The following EDIL3 variants were observed in gnomAD, a reference collection of about 807,000 sequenced individuals.
The protein encoded by EDIL3 is EGF-like repeat and discoidin I-like domain-containing protein 3.
Under a neutral mutation model 67.4 loss-of-function variants are expected in EDIL3, and 37 were observed. That is an observed-to-expected ratio of 0.55 (90% CI 0.42 to 0.72). The LOEUF is 0.72. EDIL3 is among the 30% of genes least tolerant of loss of function. EDIL3 has a pLI of 0.00. For missense variants in EDIL3, 527 were observed against 586.3 expected (o/e 0.90, Z 1.04); for synonymous variants, 195 against 196.3 (o/e 0.99, Z 0.05).
chr5:84,259,343 G>A (rs1244370394), intron 1 of EDIL3, among the ~76,000 whole-genome samples: 1 of 152,130 alleles, frequency 6.6e-6, no homozygotes, highest in African/African-American at 2.4e-5. Context: ...AAGATTTCAT[G>A]GTTATTTATC....
intron 10 of EDIL3, among the ~76,000 whole-genome samples, chr5:83,961,966 G>A (rs1561386507): frequency 6.6e-6 from 1 of 151,324 alleles, no homozygotes; most frequent in Non-Finnish European, 1.5e-5. Flanking sequence ...ATGTGCATGT[G>A]TCCTGAGATG....
At chr5:84,190,765 C>A (rs1743570376) in intron 3 of EDIL3, among the ~76,000 whole-genome samples, 1 of 151,840 alleles carries the variant, frequency 6.6e-6, no homozygotes, top group Admixed American at 6.6e-5. Context: ...ACCTATACTG[C>A]ATGATTAGCA....
intron 4 of EDIL3, among the ~76,000 whole-genome samples, chr5:84,141,172 A>G (rs1024831248): frequency 6.6e-6 from 1 of 151,964 alleles, no homozygotes; most frequent in African/African-American, 2.4e-5. Flanking sequence ...AATGAAGAAA[A>G]AACTGATAAA....
chr5:84,062,510 T>C (rs901055352), intron 8 of EDIL3, among the ~76,000 whole-genome samples: 1 of 152,118 alleles, frequency 6.6e-6, no homozygotes, highest in African/African-American at 2.4e-5. Context: ...TCCATTCTGT[T>C]GTCTAGTATT....
chr5:84,198,999 A>T (rs1430318957), intron 3 of EDIL3, among the ~76,000 whole-genome samples: 1 of 152,006 alleles, frequency 6.6e-6, no homozygotes, highest in Admixed American at 6.6e-5. Context: ...ACTTTAATTG[A>T]TTTTGCTTCT....
intron 9 of EDIL3, among the ~76,000 whole-genome samples, chr5:84,034,901 G>A (rs192212920): frequency 5.9e-5 from 9 of 152,140 alleles, no homozygotes; most frequent in East Asian, 5.8e-4. Flanking sequence ...CGAGTCTCAC[G>A]GTATAAATCC....
At chr5:84,279,191 G>A (rs1745649157) in intron 1 of EDIL3, among the ~76,000 whole-genome samples, 1 of 152,044 alleles carries the variant, frequency 6.6e-6, no homozygotes, top group Non-Finnish European at 1.5e-5. Flanking sequence ...TATTATAAAG[G>A]TCATTAAGTC....
chr5:84,042,070 T>C (rs1746135278), intron 9 of EDIL3, among the ~76,000 whole-genome samples: 1 of 152,180 alleles, frequency 6.6e-6, no homozygotes, highest in South Asian at 2.1e-4. Context: ...ATACACCCAA[T>C]GCCATAATGA....
chr5:84,077,740 A>G (rs1032853744), intron 6 of EDIL3, among the ~76,000 whole-genome samples: 6 of 151,982 alleles, frequency 3.9e-5, no homozygotes, highest in African/African-American at 7.2e-5. Flanking sequence ...TAGCCAAATC[A>G]TATCTAGCCA....
At chr5:84,162,226 G>A (rs1224617551) in intron 4 of EDIL3, among the ~76,000 whole-genome samples, 1 of 152,082 alleles carries the variant, frequency 6.6e-6, no homozygotes, top group African/African-American at 2.4e-5. Flanking sequence ...GTCTCCAGGT[G>A]GGCATGTTCC....
intron 1 of EDIL3, among the ~76,000 whole-genome samples, chr5:84,286,073 T>C (rs551889302): frequency 6.6e-6 from 1 of 152,334 alleles, no homozygotes; most frequent in South Asian, 2.1e-4. Context: ...CTTTAAATTT[T>C]TGCTTTAGCT....
intron 9 of EDIL3, among the ~76,000 whole-genome samples, chr5:84,054,003 A>C (rs1482453915): frequency 6.6e-6 from 1 of 151,802 alleles, no homozygotes; most frequent in Non-Finnish European, 1.5e-5. Flanking sequence ...GAGACACAAC[A>C]AAAAAAGAGA....
chr5:84,180,748 C>T (rs1012586877), intron 3 of EDIL3, among the ~76,000 whole-genome samples: 1 of 152,116 alleles, frequency 6.6e-6, no homozygotes, highest in Non-Finnish European at 1.5e-5. Context: ...TTCTCCATGC[C>T]TGTTTCCTTT....
chr5:83,986,968 G>C (rs1244834434), intron 9 of EDIL3, among the ~76,000 whole-genome samples: 1 of 152,084 alleles, frequency 6.6e-6, no homozygotes, highest in Non-Finnish European at 1.5e-5. Context: ...TTAGTAACGA[G>C]CCATGATCAG....
intron 1 of EDIL3, among the ~76,000 whole-genome samples, chr5:84,308,370 A>C (rs1397171432): frequency 6.6e-6 from 1 of 152,208 alleles, no homozygotes; most frequent in South Asian, 2.1e-4. Flanking sequence ...AGAAGCAGTG[A>C]TTGTTTGTAG....
At chr5:84,280,262 T>C (rs1467162711) in intron 1 of EDIL3, among the ~76,000 whole-genome samples, 1 of 152,180 alleles carries the variant, frequency 6.6e-6, no homozygotes, top group Non-Finnish European at 1.5e-5. Flanking sequence ...CCCCAGGCCA[T>C]GACTGGTACT....
Position 84,072,077 on chromosome 5 carries a change from T to C in EDIL3, c.652-5471A>G, listed in dbSNP as rs527260536. On this transcript the variant is annotated intron_variant, in intron 6 of 10. Coordinates refer to ENST00000296591, the MANE Select transcript of EDIL3 (RefSeq NM_005711.5). ...AAAATTATCAGAGGAAAACACAGAA[T>C]TAAAAACAATCTCAGAGATAAAAAA... Among the ~76,000 whole-genome samples the C allele has an allele frequency of 1.4e-4, 22 of 152,138 alleles. No individual in the cohort carries two copies. In the Middle Eastern group the frequency reaches 0.01, roughly 71 times the overall value.
At chr5:84,089,804 G>A (rs1447927062) in intron 6 of EDIL3, among the ~76,000 whole-genome samples, 2 of 152,040 alleles carry the variant, frequency 1.3e-5, no homozygotes, top group Non-Finnish European at 2.9e-5. Context: ...TCTGATGTCC[G>A]TTGAGCTTTC....
At chr5:84,014,814 A>T (rs1056655641) in intron 9 of EDIL3, among the ~76,000 whole-genome samples, 5 of 152,226 alleles carry the variant, frequency 3.3e-5, no homozygotes, top group African/African-American at 1.2e-4. Flanking sequence ...AAGAAAATTA[A>T]TTCTTTGTAT....
Sources: gnomAD v4.1 joint callset for allele counts (sites outside exome capture counted in the v4.1 genomes callset) on GRCh38, gnomAD v4.1.1 for gene constraint, MANE v1.5 for transcripts, NCBI Gene and HGNC (gene_info 2026-07-23, HGNC 2026-07-21) for gene names.